The following MAPK10 variants were observed in gnomAD, a reference collection of about 807,000 sequenced individuals.
MAPK10 encodes the protein mitogen-activated protein kinase 10, also known as JNK3 alpha protein kinase.
A neutral mutation model predicts 59.3 loss-of-function variants in MAPK10; 25 were observed. The observed-to-expected ratio is 0.42, with a 90% CI of 0.31 to 0.59. The LOEUF is 0.59. Among genes scored for constraint, MAPK10 ranks in the 20% least tolerant of loss-of-function variants. The pLI is 0.15. For synonymous variants in MAPK10, 190 were observed against 200.5 expected, an observed-to-expected ratio of 0.95 and a Z score of 0.44; for missense variants, 351 against 568.9, an observed-to-expected ratio of 0.62 and a Z score of 3.90.
intron 1 of MAPK10, among the ~76,000 whole-genome samples, chr4:86,442,683 G>A (rs1749546546): frequency 6.6e-6 from 1 of 151,840 alleles, no homozygotes; most frequent in African/African-American, 2.4e-5. Context: ...TTCTGTATCT[G>A]TTTTTTCCCA....
At chr4:86,251,861 T>C (rs1348088050) in intron 2 of MAPK10, among the ~76,000 whole-genome samples, 1 of 138,078 alleles carries the variant, frequency 7.2e-6, no homozygotes, top group Non-Finnish European at 1.5e-5. Flanking sequence ...TTTTAATGAT[T>C]GCCATTCTAA....
chr4:86,442,986 T>A (rs1206438305), intron 1 of MAPK10, among the ~76,000 whole-genome samples: 1 of 151,856 alleles, frequency 6.6e-6, no homozygotes, highest in Non-Finnish European at 1.5e-5. Flanking sequence ...AGAAGGGAGG[T>A]CACAGAGCAA....
intron 9 of MAPK10, chr4:86,095,689 C>G (rs2054087787): frequency 6.6e-6 from 1 of 151,784 alleles, no homozygotes. Flanking sequence ...GAGAGGTTAT[C>G]TGACTGCTCA....
chr4:86,299,277 T>A (rs1009769371), intron 2 of MAPK10, among the ~76,000 whole-genome samples: 1 of 152,184 alleles, frequency 6.6e-6, no homozygotes, highest in Admixed American at 6.5e-5. Flanking sequence ...GCAACATATA[T>A]TTAAGTCATC....
chr4:86,201,598 C>G (rs1161073892), intron 2 of MAPK10, among the ~76,000 whole-genome samples: 1 of 151,844 alleles, frequency 6.6e-6, no homozygotes, highest in Non-Finnish European at 1.5e-5. Context: ...TAAAAGTCTT[C>G]TGTTAGAGAC....
At chr4:86,335,433 A>G (rs1683828247) in intron 2 of MAPK10, among the ~76,000 whole-genome samples, 1 of 152,212 alleles carries the variant, frequency 6.6e-6, no homozygotes, top group South Asian at 2.1e-4. Flanking sequence ...CCCAGGTAAT[A>G]AAAGATAACC....
At chr4:86,255,178 T>C (rs900737107) in intron 2 of MAPK10, among the ~76,000 whole-genome samples, 12 of 152,102 alleles carry the variant, frequency 7.9e-5, no homozygotes, top group African/African-American at 2.9e-4. Context: ...GGAGAAGCCC[T>C]CCTAGCTGAG....
chr4:86,561,445 A>G (rs1436979134), intron 1 of MAPK10, among the ~76,000 whole-genome samples: 2 of 152,364 alleles, frequency 1.3e-5, no homozygotes, highest in African/African-American at 4.8e-5. Context: ...CCTAGTTTCA[A>G]AAGCTCTTTC....
At chr4:86,190,277 G>A (rs1485177766) in intron 3 of MAPK10, among the ~76,000 whole-genome samples, 2 of 152,130 alleles carry the variant, frequency 1.3e-5, no homozygotes, top group Admixed American at 6.6e-5. Flanking sequence ...GAGTAAGGAA[G>A]GAGTCCCTCT....
At chr4:86,157,132 T>G (rs1244834517) in intron 4 of MAPK10, among the ~76,000 whole-genome samples, 1 of 151,950 alleles carries the variant, frequency 6.6e-6, no homozygotes, top group Non-Finnish European at 1.5e-5. Context: ...TTTTCCCCCA[T>G]GCTGATAAGT....
intron 2 of MAPK10, among the ~76,000 whole-genome samples, chr4:86,256,133 T>G (rs2093696243): frequency 6.6e-6 from 1 of 152,210 alleles, no homozygotes; most frequent in Non-Finnish European, 1.5e-5. Flanking sequence ...TTTCTCCATC[T>G]TCTCCCACAA....
intron 4 of MAPK10, among the ~76,000 whole-genome samples, chr4:86,147,505 A>G (rs914842248): frequency 3.3e-5 from 5 of 152,174 alleles, no homozygotes; most frequent in Admixed American, 6.5e-5. Flanking sequence ...GTTTAGCTAT[A>G]TCAATGACAT....
chr4:86,029,813 CT>C (rs113679298), intron 12 of MAPK10, among the ~76,000 whole-genome samples: 5,290 of 146,778 alleles, frequency 0.036, 260 homozygotes, highest in East Asian at 0.11. Flanking sequence ...CTTACTGCAT[CT>C]TTTTTTTTTT....
At chr4:86,046,547 A>G (rs886587457) in intron 11 of MAPK10, among the ~76,000 whole-genome samples, 2 of 152,180 alleles carry the variant, frequency 1.3e-5, no homozygotes, top group African/African-American at 4.8e-5. Context: ...TATATAGTAC[A>G]TAGTAGATAT....
chr4:86,257,794 C>T (rs945949032), intron 2 of MAPK10, among the ~76,000 whole-genome samples: 2 of 152,174 alleles, frequency 1.3e-5, no homozygotes, highest in Admixed American at 6.5e-5. Flanking sequence ...ATTCCATGCC[C>T]TTTTCCCTTT....
chr4:86,482,320 A>G (rs781357306), intron 1 of MAPK10, among the ~76,000 whole-genome samples: 8 of 152,154 alleles, frequency 5.3e-5, no homozygotes, highest in Non-Finnish European at 8.8e-5. Flanking sequence ...AATGTTGCCA[A>G]AAACTTAGTG....
chr4:86,583,194 T>A (rs1762423697), intron 1 of MAPK10, among the ~76,000 whole-genome samples: 1 of 152,106 alleles, frequency 6.6e-6, no homozygotes, highest in Non-Finnish European at 1.5e-5. Context: ...TTTCTTTTTT[T>A]TTGTATTTTT....
At chr4:86,023,523 G>A (rs1446503114) in intron 13 of MAPK10, among the ~76,000 whole-genome samples, 1 of 152,028 alleles carries the variant, frequency 6.6e-6, no homozygotes, top group Non-Finnish European at 1.5e-5. Flanking sequence ...AATTCGGGGA[G>A]TATCTGTCAT....
chr4:86,459,542 T>C (rs1382054730), intron 1 of MAPK10, among the ~76,000 whole-genome samples: 1 of 152,118 alleles, frequency 6.6e-6, no homozygotes, highest in African/African-American at 2.4e-5. Context: ...AACTGTGAGA[T>C]ATGTATATAT....
Sources: gnomAD v4.1 joint callset for allele counts (sites outside exome capture counted in the v4.1 genomes callset) on GRCh38, gnomAD v4.1.1 for gene constraint, MANE v1.5 for transcripts, NCBI Gene and HGNC (gene_info 2026-07-23, HGNC 2026-07-21) for gene names.